The following MTHFS variants were observed in gnomAD, a reference collection of about 807,000 sequenced individuals.
MTHFS encodes methenyltetrahydrofolate synthetase.
Under a neutral mutation model 12.7 loss-of-function variants are expected in MTHFS, and 7 were observed. The ratio of observed to expected loss-of-function variants is 0.55; its 90% CI spans 0.31 to 1.03. The LOEUF is 1.03. MTHFS is among the 50% of genes least tolerant of loss of function. The pLI is 0.05. For synonymous variants in MTHFS, 100 were observed against 97.1 expected, an observed-to-expected ratio of 1.03 and a Z score of -0.18; for missense variants, 252 against 258.1, an observed-to-expected ratio of 0.98 and a Z score of 0.16.
In MTHFS at chr15:79,848,257, T is replaced by A. The variant is rs74385697; in HGVS notation, c.380-2815A>T. On this transcript the variant is annotated intron_variant, in intron 2 of 2. Coordinates refer to ENST00000258874, the MANE Select transcript of MTHFS (RefSeq NM_006441.4). Reference sequence around the variant, plus strand: ...AATAAGTCAGCCACAAAAAGACAAATACTTTATGATGCCACTTACATGTGG... The same window carrying A: ...AATAAGTCAGCCACAAAAAGACAAAAACTTTATGATGCCACTTACATGTGG... Among the ~76,000 whole-genome samples, 662 of 152,276 alleles carry A rather than the reference T, an allele frequency of 4.3e-3. 6 individuals carry two copies. The highest frequency in any genetic ancestry group is 0.015 in the African/African-American group (636 of 41,538).
chr15:79,896,276 A>G (rs2034565641), intron 1 of MTHFS, among the ~76,000 whole-genome samples: 1 of 152,228 alleles, frequency 6.6e-6, no homozygotes. Flanking sequence ...TAGGCCCTGG[A>G]GCTACTGAGA....
intron 2 of MTHFS, among the ~76,000 whole-genome samples, chr15:79,866,781 C>T (rs1412099193): frequency 2.6e-5 from 4 of 152,116 alleles, no homozygotes. Flanking sequence ...AGAAACCCCA[C>T]CTCTACCAAA....
intron 2 of MTHFS, among the ~76,000 whole-genome samples, chr15:79,868,525 C>A (rs2034050139): frequency 6.6e-6 from 1 of 152,160 alleles, no homozygotes; most frequent in African/African-American, 2.4e-5. Flanking sequence ...AATATTATTT[C>A]TATGTGTGTC....
At chr15:79,865,876 A>G (rs2034001378) in intron 2 of MTHFS, among the ~76,000 whole-genome samples, 1 of 152,254 alleles carries the variant, frequency 6.6e-6, no homozygotes, top group African/African-American at 2.4e-5. Flanking sequence ...TTTCTCAAGC[A>G]AAACAAAATG....
At chr15:79,851,151 T>C (rs973201295) in intron 2 of MTHFS, among the ~76,000 whole-genome samples, 26 of 152,238 alleles carry the variant, frequency 1.7e-4, no homozygotes, top group Admixed American at 1.7e-3. Context: ...CTACTCTTTT[T>C]GTTAACTTAT....
At chr15:79,856,650 T>C (rs1001355177) in intron 2 of MTHFS, among the ~76,000 whole-genome samples, 2 of 152,322 alleles carry the variant, frequency 1.3e-5, no homozygotes, top group South Asian at 4.1e-4. Context: ...GTATAGATTT[T>C]CAGATATGCA....
At chr15:79,896,454 G>A (rs1475248589) in intron 1 of MTHFS, among the ~76,000 whole-genome samples, 1 of 152,104 alleles carries the variant, frequency 6.6e-6, no homozygotes, top group East Asian at 1.9e-4. Context: ...TTAACTTTAG[G>A]CCTCACTGAG....
chr15:79,862,174 C>T (rs556162078), intron 2 of MTHFS, among the ~76,000 whole-genome samples: 1 of 150,808 alleles, frequency 6.6e-6, no homozygotes, highest in Admixed American at 6.6e-5. Flanking sequence ...CCTCTCATAT[C>T]CCTGTTTTTC....
intron 2 of MTHFS, among the ~76,000 whole-genome samples, chr15:79,879,413 C>T (rs544360026): frequency 4.7e-5 from 7 of 148,512 alleles, no homozygotes; most frequent in East Asian, 2.1e-4. Context: ...CTGCAACTTC[C>T]GCCTCCTGGG....
intron 2 of MTHFS, among the ~76,000 whole-genome samples, chr15:79,872,825 T>C (rs2034130184): frequency 6.6e-6 from 1 of 152,152 alleles, no homozygotes; most frequent in Admixed American, 6.5e-5. Flanking sequence ...TCTGCCGGTT[T>C]CTCCATTTTA....
intron 2 of MTHFS, among the ~76,000 whole-genome samples, chr15:79,856,759 G>C (rs899346738): frequency 5.9e-5 from 9 of 151,980 alleles, no homozygotes; most frequent in African/African-American, 2.2e-4. Flanking sequence ...ATTTTGTTAT[G>C]TGTTTCCTTA....
chr15:79,878,776 A>G (rs1332470560), intron 2 of MTHFS, among the ~76,000 whole-genome samples: 1 of 151,766 alleles, frequency 6.6e-6, no homozygotes, highest in East Asian at 1.9e-4. Context: ...CTTCTTAGAT[A>G]GTATTATCAA....
chr15:79,863,275 C>T (rs1351795894), intron 2 of MTHFS, among the ~76,000 whole-genome samples: 1 of 152,218 alleles, frequency 6.6e-6, no homozygotes, highest in African/African-American at 2.4e-5. Context: ...TTGGCTGTCC[C>T]TTGGGACAGC....
At chr15:79,870,725 C>T (rs957505157) in intron 2 of MTHFS, among the ~76,000 whole-genome samples, 1 of 152,128 alleles carries the variant, frequency 6.6e-6, no homozygotes, top group African/African-American at 2.4e-5. Flanking sequence ...TGACTCTTCT[C>T]TATACTCTAT....
chr15:79,879,322 T>G (rs2034255906), intron 2 of MTHFS, among the ~76,000 whole-genome samples: 1 of 40,702 alleles, frequency 2.5e-5, no homozygotes, highest in Non-Finnish European at 5.2e-5. Context: ...ATTATTACCC[T>G]TTTTTTTTTT....
chr15:79,867,372 CAAA>C (rs779988449), intron 2 of MTHFS, among the ~76,000 whole-genome samples: 1 of 105,310 alleles, frequency 9.5e-6, no homozygotes. Context: ...GATTACGTAG[CAAA>C]AAAAAAAAAA....
intron 2 of MTHFS, among the ~76,000 whole-genome samples, chr15:79,854,946 C>T (rs565192051): frequency 5.0e-4 from 76 of 152,302 alleles, no homozygotes; most frequent in African/African-American, 1.8e-3. Context: ...CAATACTTTA[C>T]CACTGGGGTT....
intron 1 of MTHFS, among the ~76,000 whole-genome samples, chr15:79,896,255 C>A (rs2034565310): frequency 6.6e-6 from 1 of 152,236 alleles, no homozygotes; most frequent in South Asian, 2.1e-4. Flanking sequence ...AACTCTGAGA[C>A]AGGAAAAGCC....
At chr15:79,869,353 T>C (rs1414776137) in intron 2 of MTHFS, among the ~76,000 whole-genome samples, 1 of 152,206 alleles carries the variant, frequency 6.6e-6, no homozygotes, top group Admixed American at 6.5e-5. Flanking sequence ...TTAACAATGA[T>C]ATTTGAGAAT....
Sources: allele counts gnomAD v4.1 joint callset (sites outside exome capture counted in the v4.1 genomes callset), GRCh38; gene constraint gnomAD v4.1.1; transcripts MANE v1.5; gene names NCBI Gene and HGNC (gene_info 2026-07-23, HGNC 2026-07-21).